The following SNTG2 variants were observed in gnomAD, a reference collection of about 807,000 sequenced individuals.
The protein encoded by SNTG2 is syntrophin gamma 2.
A neutral mutation model predicts 70.9 loss-of-function variants in SNTG2; 74 were observed. The observed-to-expected ratio is 1.04, with a 90% CI of 0.86 to 1.27. SNTG2 has a LOEUF of 1.27. SNTG2 is among the 50% of genes most tolerant of loss of function. SNTG2 has a pLI of 0.00. For synonymous variants in SNTG2, 278 were observed against 273.8 expected, an observed-to-expected ratio of 1.02 and a Z score of -0.15; for missense variants, 717 against 690.7, an observed-to-expected ratio of 1.04 and a Z score of -0.43.
chr2:1,151,248 G>GTTCCCATCT (rs1669467102), intron 6 of SNTG2, among the ~76,000 whole-genome samples: 2 of 151,528 alleles, frequency 1.3e-5, no homozygotes, highest in Non-Finnish European at 2.9e-5. Flanking sequence ...ATCAGGCTGC[G>GTTCCCATCT]GTCCCATCTG....
chr2:1,159,291 T>G (rs573607246), intron 6 of SNTG2: 2 of 151,436 alleles, frequency 1.3e-5, no homozygotes, highest in Non-Finnish European at 2.9e-5. Context: ...GGGGTGTATA[T>G]GTGTGACTGT....
intron 1 of SNTG2, among the ~76,000 whole-genome samples, chr2:988,629 A>G (rs962371797): frequency 6.6e-6 from 1 of 152,176 alleles, no homozygotes; most frequent in Non-Finnish European, 1.5e-5. Flanking sequence ...GTGGGCGTTC[A>G]TACGTGGACG....
At chr2:1,330,000 C>T (rs1558212224) in intron 16 of SNTG2, among the ~76,000 whole-genome samples, 4 of 152,134 alleles carry the variant, frequency 2.6e-5, no homozygotes, top group African/African-American at 9.7e-5. Flanking sequence ...GCCTCTGGTG[C>T]CACTGCCTCT....
chr2:1,219,487 T>C (rs184683441), intron 9 of SNTG2, among the ~76,000 whole-genome samples: 215 of 152,310 alleles, frequency 1.4e-3, no homozygotes, highest in Non-Finnish European at 2.7e-3. Flanking sequence ...AGAATCTCTG[T>C]GCCACAGAAT....
chr2:1,219,586 A>G lies in SNTG2; in HGVS notation c.719+10356A>G, dbSNP rs1045811055. On this transcript the variant is annotated intron_variant, in intron 9 of 16. Transcript: ENST00000308624. Reference sequence around the variant, plus strand: ...GGAACTGCTTTTTATTTATCTGCTCACAGGAGCCCTGTCCATGCCTCTTGT... The same window carrying G: ...GGAACTGCTTTTTATTTATCTGCTCGCAGGAGCCCTGTCCATGCCTCTTGT... Among the ~76,000 whole-genome samples, 11 of 152,166 alleles carry G rather than the reference A, an allele frequency of 7.2e-5. No individual in the cohort carries two copies. The East Asian group carries it at 1.9e-3, about 27-fold the overall frequency.
intron 1 of SNTG2, chr2:1,059,026 T>C (rs1025985872): frequency 4.6e-4 from 70 of 152,294 alleles, no homozygotes; most frequent in African/African-American, 1.6e-3. Context: ...GGGCTCACTT[T>C]TGGGCAGCAT....
chr2:1,165,764 G>C, intron 7 of SNTG2, 129 bp downstream of exon 7: 1 of 767,912 alleles, frequency 1.3e-6, no homozygotes. Context: ...GAGAAGAAAA[G>C]TATAGGCAGG....
At chr2:1,066,677 T>G (rs553103956) in intron 1 of SNTG2, among the ~76,000 whole-genome samples, 1 of 152,252 alleles carries the variant, frequency 6.6e-6, no homozygotes, top group South Asian at 2.1e-4. Context: ...AATGGTTCAT[T>G]GTTGCATAGA....
At chr2:992,803 T>C (rs1219070730) in intron 1 of SNTG2, among the ~76,000 whole-genome samples, 5 of 152,218 alleles carry the variant, frequency 3.3e-5, no homozygotes, top group Non-Finnish European at 7.3e-5. Context: ...TCTTATTCTT[T>C]TATAGTATCA....
intron 12 of SNTG2, among the ~76,000 whole-genome samples, chr2:1,255,483 C>G (rs1269156085): frequency 6.6e-6 from 1 of 152,012 alleles, no homozygotes; most frequent in Non-Finnish European, 1.5e-5. Flanking sequence ...CCAGAGATGC[C>G]GAGGCTGTTG....
intron 1 of SNTG2, among the ~76,000 whole-genome samples, chr2:959,486 G>T (rs1251568924): frequency 2.0e-5 from 3 of 152,080 alleles, no homozygotes; most frequent in South Asian, 2.1e-4. Flanking sequence ...CAGGAGGAAG[G>T]GAGTCAGGGA....
chr2:1,252,346 A>G (rs997855525), intron 12 of SNTG2, among the ~76,000 whole-genome samples: 1 of 152,214 alleles, frequency 6.6e-6, no homozygotes, highest in Non-Finnish European at 1.5e-5. Flanking sequence ...ATAAATTTCT[A>G]GTGGTCTCCA....
chr2:1,012,865 G>A (rs1659777049), intron 1 of SNTG2, among the ~76,000 whole-genome samples: 1 of 54,762 alleles, frequency 1.8e-5, no homozygotes, highest in African/African-American at 6.1e-5. Flanking sequence ...GAGAAGAGTG[G>A]TCTGTAGAGG....
intron 16 of SNTG2, among the ~76,000 whole-genome samples, chr2:1,348,268 C>G (rs1660400545): frequency 2.0e-5 from 3 of 152,188 alleles, no homozygotes; most frequent in African/African-American, 7.2e-5. Flanking sequence ...AATGGACTTC[C>G]TCCTCAGCCA....
chr2:1,340,602 C>T (rs1356809024), intron 16 of SNTG2, among the ~76,000 whole-genome samples: 1 of 152,158 alleles, frequency 6.6e-6, no homozygotes, highest in African/African-American at 2.4e-5. Flanking sequence ...AATGTAAGTG[C>T]ATATGTTCAC....
chr2:990,773 A>C (rs1661463203), intron 1 of SNTG2, among the ~76,000 whole-genome samples: 1 of 152,146 alleles, frequency 6.6e-6, no homozygotes, highest in South Asian at 2.1e-4. Context: ...AATGCAATAA[A>C]ATTGGTGTAC....
At chr2:1,262,594 C>CGAGGAAACCCAAAGGCTCAGTCCAGAT in intron 13 of SNTG2, among the ~76,000 whole-genome samples, 1 of 134,212 alleles carries the variant, frequency 7.5e-6, no homozygotes, top group African/African-American at 2.7e-5. Context: ...TCAGTCCAGA[C>CGAGGAAACCCAAAGGCTCAGTCCAGAT]GAGGAAACCC....
intron 1 of SNTG2, among the ~76,000 whole-genome samples, chr2:961,132 T>C (rs1660335568): frequency 6.6e-6 from 1 of 152,246 alleles, no homozygotes; most frequent in African/African-American, 2.4e-5. Flanking sequence ...TCATGGTAAA[T>C]AAAACCAACT....
At chr2:1,007,548 C>G (rs990324207) in intron 1 of SNTG2, among the ~76,000 whole-genome samples, 1 of 152,096 alleles carries the variant, frequency 6.6e-6, no homozygotes, top group Non-Finnish European at 1.5e-5. Flanking sequence ...AATCACCCAC[C>G]ACAAGGCATA....
Sources: allele counts gnomAD v4.1 joint callset (sites outside exome capture counted in the v4.1 genomes callset), GRCh38; gene constraint gnomAD v4.1.1; transcripts MANE v1.5; gene names NCBI Gene and HGNC (gene_info 2026-07-23, HGNC 2026-07-21).